The following RAB31 variants were observed in gnomAD, a reference collection of about 807,000 sequenced individuals.
RAB31 encodes the protein RAB31, member RAS oncogene family, also known as ras-related protein Rab-31.
In RAB31, 21 loss-of-function variants were observed where a neutral mutation model predicts 25.6. That is an observed-to-expected ratio of 0.82 (90% CI 0.58 to 1.18). The LOEUF (loss-of-function observed/expected upper bound fraction) is 1.18, where lower values mean the gene tolerates loss of function less well. Ranked by LOEUF, RAB31 falls within the 50% of genes most tolerant of loss-of-function variation. RAB31 has a pLI of 0.00. For synonymous variants in RAB31, 87 were observed against 84.0 expected (o/e 1.04, Z -0.20); for missense variants, 196 against 250.1 (o/e 0.78, Z 1.46).
chr18:9,849,186 A>C (rs2068776240), intron 6 of RAB31, among the ~76,000 whole-genome samples: 1 of 151,908 alleles, frequency 6.6e-6, no homozygotes, highest in South Asian at 2.1e-4. Context: ...ACTTGAGGTT[A>C]CTTTTGGTTT....
chr18:9,731,096 T>C (rs529408598), intron 1 of RAB31, among the ~76,000 whole-genome samples: 1 of 152,348 alleles, frequency 6.6e-6, no homozygotes, highest in East Asian at 1.9e-4. Flanking sequence ...CTGTTTCACA[T>C]AGCTGCATAT....
At chr18:9,768,793 T>C (rs917672610) in intron 1 of RAB31, among the ~76,000 whole-genome samples, 2 of 152,180 alleles carry the variant, frequency 1.3e-5, no homozygotes, top group Non-Finnish European at 2.9e-5. Flanking sequence ...CTGAATGGTA[T>C]TGCCTAGGTT....
chr18:9,789,967 C>T (rs766716811), intron 2 of RAB31, among the ~76,000 whole-genome samples: 2 of 152,004 alleles, frequency 1.3e-5, no homozygotes, highest in Admixed American at 6.6e-5. Context: ...CTTGGGACTT[C>T]GGTAGTTGGC....
chr18:9,771,587 G>A (rs900085178), intron 1 of RAB31, among the ~76,000 whole-genome samples: 7 of 152,134 alleles, frequency 4.6e-5, no homozygotes, highest in African/African-American at 1.7e-4. Flanking sequence ...AGTTTCCTGC[G>A]GGGAAGGGCA....
At chr18:9,755,508 G>A (rs904494766) in intron 1 of RAB31, among the ~76,000 whole-genome samples, 1 of 152,210 alleles carries the variant, frequency 6.6e-6, no homozygotes, top group East Asian at 1.9e-4. Flanking sequence ...CTAATGTCAC[G>A]CTGTCAATTT....
chr18:9,724,227 C>T (rs1425258937), intron 1 of RAB31, among the ~76,000 whole-genome samples: 3 of 141,392 alleles, frequency 2.1e-5, no homozygotes, highest in African/African-American at 5.4e-5. Flanking sequence ...GCCGAGATCC[C>T]GCCACTGCAC....
chr18:9,778,566 G>A (rs2068385581), intron 2 of RAB31, among the ~76,000 whole-genome samples: 1 of 152,134 alleles, frequency 6.6e-6, no homozygotes, highest in Non-Finnish European at 1.5e-5. Flanking sequence ...CGCCTCCTGA[G>A]TTCAAGCGAT....
At chr18:9,793,479 A>G (rs1187050582) in intron 3 of RAB31, among the ~76,000 whole-genome samples, 1 of 152,070 alleles carries the variant, frequency 6.6e-6, no homozygotes, top group Non-Finnish European at 1.5e-5. Context: ...TGGCTAACAC[A>G]GTGAAACCCT....
intron 6 of RAB31, among the ~76,000 whole-genome samples, chr18:9,849,939 G>A (rs980230900): frequency 2.0e-5 from 3 of 152,192 alleles, no homozygotes; most frequent in Non-Finnish European, 4.4e-5. Context: ...TTTTAAAGCA[G>A]GAGTGCAGAG....
intron 1 of RAB31, among the ~76,000 whole-genome samples, chr18:9,727,524 G>A (rs190574471): frequency 1.2e-4 from 18 of 152,172 alleles, no homozygotes; most frequent in Admixed American, 9.8e-4. Flanking sequence ...TTATGTTGTC[G>A]AGGCTGGTCT....
intron 1 of RAB31, among the ~76,000 whole-genome samples, chr18:9,770,587 G>C (rs114654793): frequency 0.03 from 4,643 of 152,278 alleles, 171 homozygotes; most frequent in South Asian, 0.087. Context: ...GCATGAGTAC[G>C]TCTCTGATAT....
Position 9,732,948 on chromosome 18 carries a change from G to A in RAB31, c.39+24504G>A, listed in dbSNP as rs1217088350. 4.6e-5 allele frequency among the ~76,000 whole-genome samples: 7 copies of A among 152,166 alleles called. No individual in the cohort carries two copies. In the South Asian group the frequency reaches 1.4e-3, roughly 31 times the overall value. On this transcript the variant is annotated intron_variant, in intron 1 of 6. Transcript: ENST00000578921. ...TGGTGGTTGCTGCAGGATGCTTAAA[G>A]GAATGAAACTTGAGGGTAGGTTAAG...
rs532278654 is a variant in RAB31, at chr18:9,716,890, G to T, written c.39+8446G>T. Among the ~76,000 whole-genome samples the T allele has an allele frequency of 3.8e-5, 5 of 130,002 alleles. No homozygotes were observed. The East Asian group carries it at 1.1e-3, about 28-fold the overall frequency. The allele number at this position is 130,002 out of a possible 152,430, so 85.3% of individuals were successfully genotyped here. Reference sequence around the variant, plus strand: ...TTCCTGAGTAGCTGGGACTACAGGCGTGCCACCACACTTGGCTAATTTTCT... The same window carrying T: ...TTCCTGAGTAGCTGGGACTACAGGCTTGCCACCACACTTGGCTAATTTTCT... On this transcript the variant is annotated intron_variant, in intron 1 of 6. Transcript: ENST00000578921.
chr18:9,716,972 G>A (rs1220571041), intron 1 of RAB31, among the ~76,000 whole-genome samples: 1 of 127,832 alleles, frequency 7.8e-6, no homozygotes, highest in Non-Finnish European at 1.7e-5. Context: ...TGTTGTCCAG[G>A]CTAGTCTTGA....
chr18:9,724,456 C>G (rs2068088356), intron 1 of RAB31, among the ~76,000 whole-genome samples: 1 of 152,132 alleles, frequency 6.6e-6, no homozygotes, highest in South Asian at 2.1e-4. Context: ...TGTGCACATT[C>G]TTATTTGTGC....
At chr18:9,761,342 A>G (rs935434364) in intron 1 of RAB31, among the ~76,000 whole-genome samples, 21 of 152,216 alleles carry the variant, frequency 1.4e-4, no homozygotes, top group African/African-American at 5.1e-4. Flanking sequence ...CAAAATGAGG[A>G]TAACCCTACT....
intron 5 of RAB31, among the ~76,000 whole-genome samples, chr18:9,841,020 C>A (rs2068730739): frequency 6.6e-6 from 1 of 152,134 alleles, no homozygotes; most frequent in South Asian, 2.1e-4. Context: ...CCCAAACTCA[C>A]CAGGCTCAAG....
At chr18:9,774,153 A>G (rs1161911709) in intron 1 of RAB31, among the ~76,000 whole-genome samples, 2 of 152,162 alleles carry the variant, frequency 1.3e-5, no homozygotes, top group African/African-American at 2.4e-5. Context: ...ACTGCTGCAC[A>G]CATGGCCTTT....
chr18:9,839,657 A>G (rs1333258581), intron 5 of RAB31, among the ~76,000 whole-genome samples: 3 of 152,104 alleles, frequency 2.0e-5, no homozygotes, highest in Non-Finnish European at 4.4e-5. Context: ...GACAAGTTGC[A>G]TTTGTGAAGT....
Sources: allele counts gnomAD v4.1 joint callset (sites outside exome capture counted in the v4.1 genomes callset), GRCh38; gene constraint gnomAD v4.1.1; transcripts MANE v1.5; gene names NCBI Gene and HGNC (gene_info 2026-07-23, HGNC 2026-07-21).